Variants in FGF12 observed in about 807,000 individuals in gnomAD.
The protein encoded by FGF12 is fibroblast growth factor 12.
Under a neutral mutation model 23.6 loss-of-function variants are expected in FGF12, and 14 were observed. That is an observed-to-expected ratio of 0.59 (90% CI 0.39 to 0.93). FGF12 has a LOEUF of 0.93. Among genes scored for constraint, FGF12 ranks in the 40% least tolerant of loss-of-function variants. The pLI, the probability that FGF12 is intolerant of heterozygous loss-of-function variation, is 0.00. For missense variants in FGF12, 175 were observed against 217.8 expected (o/e 0.80, Z 1.24); for synonymous variants, 62 against 77.3 (o/e 0.80, Z 1.04).
chr3:192,680,325 G>T (rs989501076), intron 2 of FGF12, among the ~76,000 whole-genome samples: 1 of 152,198 alleles, frequency 6.6e-6, no homozygotes, highest in African/African-American at 2.4e-5. Flanking sequence ...GAAGGAAATG[G>T]TGCAAAGGGC....
intron 5 of FGF12, among the ~76,000 whole-genome samples, chr3:192,160,761 T>C (rs1479871394): frequency 6.6e-6 from 1 of 152,168 alleles, no homozygotes; most frequent in Non-Finnish European, 1.5e-5. Flanking sequence ...CTATCTACTA[T>C]GCTACAGTGA....
intron 2 of FGF12, among the ~76,000 whole-genome samples, chr3:192,655,953 G>A (rs1290214536): frequency 2.0e-5 from 3 of 148,226 alleles, no homozygotes; most frequent in Non-Finnish European, 4.4e-5. Flanking sequence ...GACTGGAGGG[G>A]AAGAATAACT....
intron 4 of FGF12, among the ~76,000 whole-genome samples, chr3:192,208,601 T>G (rs1484222324): frequency 6.6e-6 from 1 of 152,206 alleles, no homozygotes; most frequent in African/African-American, 2.4e-5. Flanking sequence ...TTCTTGTGAA[T>G]AGATATTTCA....
At chr3:192,412,900 G>A (rs1256824798) in intron 2 of FGF12, among the ~76,000 whole-genome samples, 1 of 151,976 alleles carries the variant, frequency 6.6e-6, no homozygotes, top group Non-Finnish European at 1.5e-5. Context: ...TATGTCCCAG[G>A]GATACCAATA....
chr3:192,659,947 T>C (rs1716587796), intron 2 of FGF12, among the ~76,000 whole-genome samples: 1 of 152,168 alleles, frequency 6.6e-6, no homozygotes, highest in African/African-American at 2.4e-5. Flanking sequence ...ATGTCTCCTC[T>C]TGAGAAATAT....
At chr3:192,662,004 C>T (rs1716688681) in intron 2 of FGF12, among the ~76,000 whole-genome samples, 1 of 152,196 alleles carries the variant, frequency 6.6e-6, no homozygotes, top group Non-Finnish European at 1.5e-5. Context: ...AATGAAAAAT[C>T]CCTTTCACTG....
At chr3:192,423,774 T>A (rs1380595374) in intron 2 of FGF12, among the ~76,000 whole-genome samples, 1 of 152,194 alleles carries the variant, frequency 6.6e-6, no homozygotes, top group Admixed American at 6.5e-5. Context: ...TATTAAAGAC[T>A]ATATTTTAGG....
intron 2 of FGF12, among the ~76,000 whole-genome samples, chr3:192,629,191 A>G (rs894463508): frequency 6.6e-6 from 1 of 152,228 alleles, no homozygotes. Flanking sequence ...AGGAAATGCT[A>G]TTTTTGGAGA....
chr3:192,431,931 C>A (rs912654532), intron 2 of FGF12, among the ~76,000 whole-genome samples: 1 of 152,160 alleles, frequency 6.6e-6, no homozygotes, highest in Non-Finnish European at 1.5e-5. Flanking sequence ...ACACACATAT[C>A]AATACACATG....
intron 3 of FGF12, among the ~76,000 whole-genome samples, chr3:192,338,274 G>A (rs1717515102): frequency 6.6e-6 from 1 of 152,022 alleles, no homozygotes; most frequent in Non-Finnish European, 1.5e-5. Flanking sequence ...TAGTAGAGAC[G>A]GGGTTTCACT....
At chr3:192,439,225 C>T (rs1722121652) in intron 2 of FGF12, among the ~76,000 whole-genome samples, 1 of 152,190 alleles carries the variant, frequency 6.6e-6, no homozygotes, top group Admixed American at 6.5e-5. Flanking sequence ...ATTCACTGAC[C>T]TAGCCTTTAT....
At chr3:192,502,485 C>T (rs1724159934) in intron 2 of FGF12, among the ~76,000 whole-genome samples, 2 of 152,178 alleles carry the variant, frequency 1.3e-5, no homozygotes, top group South Asian at 4.1e-4. Flanking sequence ...AGGTGTAATG[C>T]TACTTGGGCC....
At chr3:192,198,221 A>C (rs1314173769) in intron 4 of FGF12, among the ~76,000 whole-genome samples, 1 of 152,180 alleles carries the variant, frequency 6.6e-6, no homozygotes, top group East Asian at 1.9e-4. Context: ...ATTAGGAGAG[A>C]ATGTTCAACT....
Position 192,408,416 on chromosome 3 carries a change from ATG to A in FGF12, c.14-47880_14-47879del. ...TCAAAGTCTGGGCAGTGGCGACAAA[ATG>A]TGTGAAAATCCAGATGTAAACTTCC... On this transcript the variant is annotated intron_variant, in intron 2 of 5. Coordinates refer to ENST00000445105, the MANE Select transcript of FGF12 (RefSeq NM_004113.6). The surrounding 1 kb of genome is among the most constrained non-coding windows in gnomAD (Gnocchi z 7.3). The A allele has an allele frequency of 2.9e-6, 4 of 1,396,612 alleles. No individual in the cohort carries two copies. The highest frequency in any genetic ancestry group is 3.7e-6 in the Non-Finnish European group (4 of 1,080,904). The allele number at this position is 1,396,612 out of a possible 1,614,324, so 86.5% of individuals were successfully genotyped here.
chr3:192,230,528 G>GA (rs1360667715), intron 4 of FGF12, among the ~76,000 whole-genome samples: 1 of 151,970 alleles, frequency 6.6e-6, no homozygotes, highest in African/African-American at 2.4e-5. Flanking sequence ...AATAATTAGA[G>GA]AAAAAATGCT....
intron 2 of FGF12, among the ~76,000 whole-genome samples, chr3:192,399,898 C>G (rs2692702): frequency 0.75 from 114,340 of 152,208 alleles, 43,565 homozygotes; most frequent in African/African-American, 0.88. Flanking sequence ...AGAAAAGACT[C>G]TATAGAGTAC....
At chr3:192,617,753 T>C (rs915962906) in intron 2 of FGF12, among the ~76,000 whole-genome samples, 1 of 152,012 alleles carries the variant, frequency 6.6e-6, no homozygotes, top group African/African-American at 2.4e-5. Context: ...AGAAGAGTTT[T>C]AGTAGAGATT....
At chr3:192,544,689 C>T (rs1279882409) in intron 2 of FGF12, among the ~76,000 whole-genome samples, 3 of 151,986 alleles carry the variant, frequency 2.0e-5, no homozygotes, top group African/African-American at 7.3e-5. Flanking sequence ...GTCTGGATTT[C>T]ACATTCATTT....
Position 192,514,577 on chromosome 3 carries a change from G to T in FGF12, c.14-154039C>A. 3.7e-6 allele frequency: 2 copies of T among 541,526 alleles called. No individual in the cohort carries two copies. The highest frequency in any genetic ancestry group is 4.7e-6 in the Non-Finnish European group (2 of 424,328). 33.5% of individuals were successfully genotyped at this position (541,526 alleles called of 1,614,324 possible). A position where few individuals can be genotyped will look rare whatever the true frequency, so the allele number is the denominator to read the frequency against. ...CCCTCCGCCACAGGCAGCGCTGAAT[G>T]AAGCAGAGGAGGGCGGCGGAGAGGG... On this transcript the variant is annotated intron_variant, in intron 2 of 5. Coordinates refer to ENST00000445105, the MANE Select transcript of FGF12 (RefSeq NM_004113.6). The surrounding 1 kb of genome is among the most constrained non-coding windows in gnomAD (Gnocchi z 4.9).
Sources: allele counts gnomAD v4.1 joint callset (sites outside exome capture counted in the v4.1 genomes callset), GRCh38; gene constraint gnomAD v4.1.1; non-coding constraint Gnocchi (gnomAD v3.1); transcripts MANE v1.5; gene names NCBI Gene and HGNC (gene_info 2026-07-23, HGNC 2026-07-21).